RAI14: variants seen among roughly 807,000 people sequenced by gnomAD.
RAI14 encodes retinoic acid induced 14, also known as ankycorbin.
A neutral mutation model predicts 115.4 loss-of-function variants in RAI14; 45 were observed. That is an observed-to-expected ratio of 0.39 (90% CI 0.31 to 0.50). The LOEUF (loss-of-function observed/expected upper bound fraction) is 0.50. Ranked by LOEUF, RAI14 falls within the 20% of genes least tolerant of loss-of-function variation. RAI14 has a pLI of 0.85. For missense variants in RAI14, 939 were observed against 1,131.2 expected, an observed-to-expected ratio of 0.83 and a Z score of 2.44; for synonymous variants, 371 against 415.4, an observed-to-expected ratio of 0.89 and a Z score of 1.30.
chr5:34,727,720 A>G (rs528805284), intron 2 of RAI14, among the ~76,000 whole-genome samples: 23 of 152,298 alleles, frequency 1.5e-4, no homozygotes, highest in African/African-American at 5.1e-4. Context: ...TGTTGAGCCT[A>G]CAGGTGCCCA....
At chr5:34,824,682 G>C (rs534394691) in intron 15 of RAI14, among the ~76,000 whole-genome samples, 191 bp downstream of exon 15, 1 of 152,146 alleles carries the variant, frequency 6.6e-6, no homozygotes, top group Non-Finnish European at 1.5e-5. Context: ...GGTGGCTCAC[G>C]CTTATAATCC....
At chr5:34,810,974 T>C in intron 7 of RAI14, 38 bp from the exon 8 acceptor site, 1 of 1,609,350 alleles carries the variant, frequency 6.2e-7, no homozygotes, top group Non-Finnish European at 8.5e-7. Context: ...TGGCATTTTG[T>C]GCCTGAGGTA....
At position 34,665,503 on chromosome 5, in the gene RAI14, T is replaced by C. The variant is rs1285331408; in HGVS notation, c.-49+9028T>C. On this transcript the variant is annotated intron_variant, in intron 1 of 17. Transcript: ENST00000265109. ...TTTCCATTTTTTTTTCTTTTTTTTT[T>C]TTTTTCTCTAAGAGGAATCCATTTG... Among the ~76,000 whole-genome samples, 5 of 150,976 alleles carry C rather than the reference T, an allele frequency of 3.3e-5. No individual in the cohort carries two copies. In the South Asian group the frequency reaches 6.3e-4, roughly 19 times the overall value.
chr5:34,728,024 G>A (rs756979071), intron 2 of RAI14, among the ~76,000 whole-genome samples: 4 of 152,292 alleles, frequency 2.6e-5, no homozygotes, highest in Middle Eastern at 3.4e-3. Flanking sequence ...GCCAGCCTGT[G>A]AAAGCAGTGT....
At chr5:34,667,807 C>G (rs1432454700) in intron 1 of RAI14, among the ~76,000 whole-genome samples, 1 of 152,084 alleles carries the variant, frequency 6.6e-6, no homozygotes, top group African/African-American at 2.4e-5. Context: ...GTGCAGGACC[C>G]AGGCCCTTGG....
At chr5:34,668,703 A>G (rs1743400596) in intron 1 of RAI14, among the ~76,000 whole-genome samples, 1 of 152,102 alleles carries the variant, frequency 6.6e-6, no homozygotes, top group Admixed American at 6.5e-5. Context: ...AAAAAAAACT[A>G]TTTAAAATAT....
At chr5:34,763,956 G>C (rs1470265767) in intron 3 of RAI14, among the ~76,000 whole-genome samples, 2 of 152,190 alleles carry the variant, frequency 1.3e-5, no homozygotes, top group East Asian at 3.9e-4. Flanking sequence ...GGTTCAAACT[G>C]TTCTCCTGCC....
chr5:34,803,364 G>A (rs1028694027), intron 4 of RAI14, among the ~76,000 whole-genome samples: 22 of 152,106 alleles, frequency 1.4e-4, no homozygotes, highest in African/African-American at 4.3e-4. Flanking sequence ...CTTGCGCAAC[G>A]TGGCGAAATC....
intron 2 of RAI14, among the ~76,000 whole-genome samples, chr5:34,727,475 A>G (rs1561283104): frequency 2.0e-5 from 3 of 152,190 alleles, no homozygotes; most frequent in Admixed American, 1.3e-4. Context: ...AATGGGGAGG[A>G]TGTCTCCAGG....
intron 4 of RAI14, among the ~76,000 whole-genome samples, chr5:34,799,530 A>ACACACACACT (rs1753973217): frequency 1.1e-5 from 1 of 87,484 alleles, no homozygotes; most frequent in Non-Finnish European, 2.4e-5. Context: ...ACACACACAC[A>ACACACACACT]CACACACACA....
chr5:34,762,643 A>G (rs558290993), intron 3 of RAI14, among the ~76,000 whole-genome samples: 1 of 152,334 alleles, frequency 6.6e-6, no homozygotes, highest in South Asian at 2.1e-4. Flanking sequence ...GCCAAGAGTT[A>G]TAGCTGCAGC....
chr5:34,690,403 C>G (rs904637145), intron 2 of RAI14, among the ~76,000 whole-genome samples: 2 of 152,138 alleles, frequency 1.3e-5, no homozygotes, highest in Non-Finnish European at 2.9e-5. Flanking sequence ...ACAGGTGACC[C>G]ACTGGTGTGA....
At position 34,665,183 on chromosome 5, in the gene RAI14, A is replaced by ATGTG. The variant is rs1561221239; in HGVS notation, c.-49+8709_-49+8710insGTGT. The stretch of plus-strand genomic sequence containing the variant: ...TGTATATATATATATACACACATAT[A>ATGTG]TATATGTATATATATACACACACCA... On this transcript the variant is annotated intron_variant, in intron 1 of 17. Transcript: ENST00000265109. Among the ~76,000 whole-genome samples, 14 of 55,270 alleles carry ATGTG rather than the reference A, an allele frequency of 2.5e-4. 5 individuals are homozygous for ATGTG. Among genetic ancestry groups the ATGTG allele is most frequent in the African/African-American group, 6.0e-4 (8 of 13,320 alleles). 36.3% of individuals were successfully genotyped at this position (55,270 alleles called of 152,430 possible).
chr5:34,771,324 T>A (rs1427097769), intron 3 of RAI14, among the ~76,000 whole-genome samples: 1 of 152,106 alleles, frequency 6.6e-6, no homozygotes, highest in Non-Finnish European at 1.5e-5. Flanking sequence ...TTTGGGGAAG[T>A]GAATATTGGT....
At chr5:34,765,913 GT>G (rs1749284678) in intron 3 of RAI14, among the ~76,000 whole-genome samples, 1 of 152,228 alleles carries the variant, frequency 6.6e-6, no homozygotes, top group Non-Finnish European at 1.5e-5. Flanking sequence ...GGTGCCCTGT[GT>G]CCCAGCTGCT....
intron 2 of RAI14, among the ~76,000 whole-genome samples, chr5:34,721,082 C>T (rs1742656426): frequency 6.6e-6 from 1 of 151,682 alleles, no homozygotes; most frequent in East Asian, 1.9e-4. Context: ...GTTCTCTTCC[C>T]CTATTTCTTA....
intron 2 of RAI14, among the ~76,000 whole-genome samples, chr5:34,745,948 T>C (rs1746125331): frequency 6.6e-6 from 1 of 152,138 alleles, no homozygotes; most frequent in Non-Finnish European, 1.5e-5. Context: ...GCATCTCTGC[T>C]CATGCTCCTC....
chr5:34,760,488 C>T (rs537413943), intron 3 of RAI14, among the ~76,000 whole-genome samples: 8 of 152,212 alleles, frequency 5.3e-5, no homozygotes, highest in African/African-American at 1.7e-4. Flanking sequence ...AATCACTACT[C>T]GGCCTTCTTT....
intron 3 of RAI14, among the ~76,000 whole-genome samples, chr5:34,786,071 G>A (rs1351727198): frequency 6.6e-6 from 1 of 152,226 alleles, no homozygotes; most frequent in Admixed American, 6.5e-5. Flanking sequence ...TACCATCTGT[G>A]GCAGGGGACA....
Sources: gnomAD v4.1 joint callset for allele counts (sites outside exome capture counted in the v4.1 genomes callset) on GRCh38, gnomAD v4.1.1 for gene constraint, MANE v1.5 for transcripts, NCBI Gene and HGNC (gene_info 2026-07-23, HGNC 2026-07-21) for gene names.